The following PIK3C2G variants were observed in gnomAD, a reference collection of about 807,000 sequenced individuals.
The protein encoded by PIK3C2G is phosphatidylinositol-4-phosphate 3-kinase catalytic subunit type 2 gamma.
In PIK3C2G, 168 loss-of-function variants were observed where a neutral mutation model predicts 181.1. The observed-to-expected ratio is 0.93, with a 90% CI of 0.82 to 1.05. The LOEUF is 1.05. Among genes scored for constraint, PIK3C2G ranks in the 50% least tolerant of loss-of-function variants. The pLI is 0.00. For synonymous variants in PIK3C2G, 573 were observed against 592.2 expected (o/e 0.97, Z 0.47); for missense variants, 1,869 against 1,732.8 (o/e 1.08, Z -1.40).
At chr12:18,605,214 T>TA (rs992111044) in intron 30 of PIK3C2G, among the ~76,000 whole-genome samples, 5 of 152,080 alleles carry the variant, frequency 3.3e-5, no homozygotes, top group Non-Finnish European at 7.4e-5. Flanking sequence ...TTACAACAGA[T>TA]ACCACTGAAA....
At chr12:18,256,839 T>C (rs1948150707), upstream of PIK3C2G, among the ~76,000 whole-genome samples, 1 of 152,156 alleles carries the variant, frequency 6.6e-6, no homozygotes, top group Non-Finnish European at 1.5e-5. Flanking sequence ...AGTACACTTC[T>C]AGTAACCAAG....
intron 8 of PIK3C2G, among the ~76,000 whole-genome samples, chr12:18,329,874 T>C (rs1279381100): frequency 1.3e-5 from 2 of 152,128 alleles, no homozygotes; most frequent in Non-Finnish European, 2.9e-5. Flanking sequence ...ATTAGGTATA[T>C]GTAATGCTAT....
At chr12:18,487,447 G>A (rs1438077521) in intron 18 of PIK3C2G, among the ~76,000 whole-genome samples, 1 of 151,824 alleles carries the variant, frequency 6.6e-6, no homozygotes, top group Non-Finnish European at 1.5e-5. Context: ...TAAGTATTTA[G>A]TTCTCAGAAT....
At chr12:18,317,839 C>A (rs909780398) in intron 6 of PIK3C2G, among the ~76,000 whole-genome samples, 51 of 152,102 alleles carry the variant, frequency 3.4e-4, no homozygotes, top group African/African-American at 1.2e-3. Flanking sequence ...ATTTCTTCAT[C>A]AAAAAATGTG....
chr12:18,289,790 G>T (rs1337937978), intron 3 of PIK3C2G, among the ~76,000 whole-genome samples: 1 of 152,100 alleles, frequency 6.6e-6, no homozygotes, highest in East Asian at 1.9e-4. Flanking sequence ...TAAAGCTTTA[G>T]TGCTACAAAA....
chr12:18,313,906 A>T, intron 5 of PIK3C2G, 56 bp from the exon 6 acceptor site: 1 of 899,864 alleles, frequency 1.1e-6, no homozygotes, highest in Non-Finnish European at 1.8e-6. Context: ...AGAGGAAAAC[A>T]TGTATTTGGG....
intron 31 of PIK3C2G, among the ~76,000 whole-genome samples, chr12:18,628,848 T>C (rs1949219510): frequency 1.3e-5 from 2 of 152,124 alleles, no homozygotes; most frequent in South Asian, 4.1e-4. Context: ...TTCCAGCTAC[T>C]TGGGAGGCTG....
chr12:18,443,208 A>G (rs1195418282), intron 18 of PIK3C2G, among the ~76,000 whole-genome samples: 1 of 152,114 alleles, frequency 6.6e-6, no homozygotes. Flanking sequence ...ATTACCTGGA[A>G]CCTAAACTGA....
At chr12:18,599,101 G>A (rs775763537) in intron 30 of PIK3C2G, among the ~76,000 whole-genome samples, 1 of 152,044 alleles carries the variant, frequency 6.6e-6, no homozygotes, top group African/African-American at 2.4e-5. Context: ...AATTCCTCAG[G>A]GATCTAGAAC....
chr12:18,705,303 G>A, the PIK3C2G span: 1 of 1,613,884 alleles, frequency 6.2e-7, no homozygotes, highest in Non-Finnish European at 8.5e-7. Flanking sequence ...AGCACCACTG[G>A]GTAGTCAGAT....
chr12:18,628,801 A>G (rs1949217911), intron 31 of PIK3C2G, among the ~76,000 whole-genome samples: 1 of 152,086 alleles, frequency 6.6e-6, no homozygotes, highest in African/African-American at 2.4e-5. Flanking sequence ...AATCTTTTTA[A>G]TATCTTATAA....
chr12:18,440,892 G>T (rs1946712278), intron 18 of PIK3C2G, among the ~76,000 whole-genome samples: 1 of 152,012 alleles, frequency 6.6e-6, no homozygotes, highest in Non-Finnish European at 1.5e-5. Flanking sequence ...ATTTTCATCT[G>T]GGCTAGAACT....
At chr12:18,712,286 C>A in the PIK3C2G span, among the ~76,000 whole-genome samples, 1 of 152,132 alleles carries the variant, frequency 6.6e-6, no homozygotes, top group African/African-American at 2.4e-5. Context: ...ATTGCAAAAA[C>A]CTGCTCAATT....
intron 31 of PIK3C2G, among the ~76,000 whole-genome samples, chr12:18,625,241 G>A (rs1565575234): frequency 6.6e-6 from 1 of 151,596 alleles, no homozygotes; most frequent in East Asian, 1.9e-4. Context: ...TTGTCTTAAG[G>A]TATTTTTTAA....
chr12:18,274,232 G>A (rs1948876800), intron 1 of PIK3C2G, among the ~76,000 whole-genome samples: 1 of 152,192 alleles, frequency 6.6e-6, no homozygotes, highest in African/African-American at 2.4e-5. Flanking sequence ...AACCATTGTG[G>A]AAGTCAGTGT....
At chr12:18,662,409 C>A in the PIK3C2G span, among the ~76,000 whole-genome samples, 1 of 151,560 alleles carries the variant, frequency 6.6e-6, no homozygotes, top group African/African-American at 2.4e-5. Flanking sequence ...CCCAGATAAA[C>A]AAAAGCTGAG....
chr12:18,455,698 A>C (rs1257515780), intron 18 of PIK3C2G, among the ~76,000 whole-genome samples: 1 of 151,996 alleles, frequency 6.6e-6, no homozygotes, highest in Non-Finnish European at 1.5e-5. Flanking sequence ...GTTTTCTCAC[A>C]TGGCCAAAGG....
chr12:18,282,761 T>C lies in PIK3C2G; in HGVS notation c.678+2T>C, dbSNP rs752548090. On this transcript the variant is annotated splice_donor_variant, in intron 2 of 32. Transcript: ENST00000538779. LOFTEE classifies it high-confidence loss of function. Reference sequence around the variant, plus strand: ...AGTACATGGCAGAAGAATATAGAGGTAAGTATAATACATGTCAATGTAAAA... The same window carrying C: ...AGTACATGGCAGAAGAATATAGAGGCAAGTATAATACATGTCAATGTAAAA... The C allele has an allele frequency of 5.1e-6, 8 of 1,554,304 alleles. No individual in the cohort carries two copies. The highest frequency in any genetic ancestry group is 7.0e-6 in the Non-Finnish European group (8 of 1,140,402).
At chr12:18,456,125 G>C (rs1947612831) in intron 18 of PIK3C2G, among the ~76,000 whole-genome samples, 1 of 152,104 alleles carries the variant, frequency 6.6e-6, no homozygotes, top group Non-Finnish European at 1.5e-5. Flanking sequence ...TTATCTGTTA[G>C]TTTACTGACC....
Sources: gnomAD v4.1 joint callset for allele counts (sites outside exome capture counted in the v4.1 genomes callset) on GRCh38, gnomAD v4.1.1 for gene constraint, MANE v1.5 for transcripts, NCBI Gene and HGNC (gene_info 2026-07-23, HGNC 2026-07-21) for gene names.